Variants in ITFG1 observed in about 807,000 individuals in gnomAD.
ITFG1 encodes the protein integrin alpha FG-GAP repeat containing 1.
In ITFG1, 34 loss-of-function variants were observed where a neutral mutation model predicts 81.8. The observed-to-expected ratio is 0.42, with a 90% CI of 0.32 to 0.55. The LOEUF (loss-of-function observed/expected upper bound fraction) is 0.55, where lower values mean the gene tolerates loss of function less well. ITFG1 is among the 20% of genes least tolerant of loss of function. ITFG1 has a pLI of 0.17. For synonymous variants in ITFG1, 285 were observed against 270.6 expected, an observed-to-expected ratio of 1.05 and a Z score of -0.52; for missense variants, 672 against 755.4, an observed-to-expected ratio of 0.89 and a Z score of 1.29.
intron 2 of ITFG1, among the ~76,000 whole-genome samples, chr16:47,457,831 T>C (rs868842245): frequency 6.6e-6 from 1 of 152,230 alleles, no homozygotes; most frequent in East Asian, 1.9e-4. Context: ...ACTTCTCATA[T>C]ACACTCAACT....
intron 6 of ITFG1, among the ~76,000 whole-genome samples, chr16:47,382,231 A>T (rs1018975470): frequency 6.6e-6 from 1 of 152,206 alleles, no homozygotes; most frequent in Non-Finnish European, 1.5e-5. Flanking sequence ...AGATGATTGC[A>T]TTAGTTATAT....
At chr16:47,195,136 T>G (rs1172715227) in intron 14 of ITFG1, among the ~76,000 whole-genome samples, 1 of 152,206 alleles carries the variant, frequency 6.6e-6, no homozygotes, top group Non-Finnish European at 1.5e-5. Flanking sequence ...ATAAGTTTCT[T>G]TTTATTTTAT....
At chr16:47,334,249 G>C (rs925712217) in intron 8 of ITFG1, among the ~76,000 whole-genome samples, 1 of 152,032 alleles carries the variant, frequency 6.6e-6, no homozygotes, top group Non-Finnish European at 1.5e-5. Context: ...AGGAGTTCAA[G>C]ACAAGCCTGG....
intron 17 of ITFG1, chr16:47,157,679 T>C (rs965870600): frequency 6.6e-6 from 1 of 152,238 alleles, no homozygotes; most frequent in Non-Finnish European, 1.5e-5. Context: ...TTCATGTTAC[T>C]GTTTTTGATA....
At chr16:47,287,920 A>G (rs1161874950) in intron 10 of ITFG1, among the ~76,000 whole-genome samples, 2 of 152,184 alleles carry the variant, frequency 1.3e-5, no homozygotes, top group African/African-American at 4.8e-5. Flanking sequence ...AAATATCTCA[A>G]TTTACTCAAT....
chr16:47,307,023 G>A (rs1967173558), intron 10 of ITFG1, among the ~76,000 whole-genome samples: 1 of 136,304 alleles, frequency 7.3e-6, no homozygotes. Flanking sequence ...GAACCCGGGA[G>A]GCAGAGCTTG....
intron 14 of ITFG1, among the ~76,000 whole-genome samples, chr16:47,176,665 T>C (rs1161935973): frequency 1.3e-5 from 2 of 152,196 alleles, no homozygotes; most frequent in Non-Finnish European, 2.9e-5. Context: ...CAACTATAAG[T>C]GACAGCTATT....
chr16:47,390,775 C>T (rs921475186), intron 6 of ITFG1, among the ~76,000 whole-genome samples: 1 of 151,990 alleles, frequency 6.6e-6, no homozygotes, highest in Admixed American at 6.6e-5. Flanking sequence ...TGCTTATTAA[C>T]AGAAATATTT....
At chr16:47,260,178 C>A (rs898597701) in intron 11 of ITFG1, among the ~76,000 whole-genome samples, 1 of 151,932 alleles carries the variant, frequency 6.6e-6, no homozygotes, top group Non-Finnish European at 1.5e-5. Flanking sequence ...ACCTCATGAT[C>A]CGCCTGCCTC....
intron 10 of ITFG1, among the ~76,000 whole-genome samples, chr16:47,296,490 C>CAGTG (rs1325449438): frequency 1.3e-5 from 2 of 152,116 alleles, no homozygotes; most frequent in Admixed American, 6.5e-5. Flanking sequence ...GGCTGGAGTG[C>CAGTG]AGTGGCACAA....
chr16:47,402,977 A>G (rs1160087023), intron 6 of ITFG1, among the ~76,000 whole-genome samples: 2 of 152,236 alleles, frequency 1.3e-5, no homozygotes, highest in Non-Finnish European at 2.9e-5. Flanking sequence ...TATTATAATA[A>G]GAAAAATAAC....
chr16:47,406,193 G>A (rs565294627), intron 6 of ITFG1, among the ~76,000 whole-genome samples: 3 of 152,086 alleles, frequency 2.0e-5, no homozygotes, highest in Non-Finnish European at 2.9e-5. Flanking sequence ...ATTTAGAAGC[G>A]ATTTATATGA....
At chr16:47,442,045 CAGAG>C (rs1411340518) in intron 5 of ITFG1, among the ~76,000 whole-genome samples, 6 of 152,254 alleles carry the variant, frequency 3.9e-5, no homozygotes, top group South Asian at 4.2e-4. Flanking sequence ...AACAGACAAA[CAGAG>C]AGCCAAATCA....
rs1968465012 is a variant in ITFG1, at chr16:47,386,549, G to C, written c.656-10609C>G. Among the ~76,000 whole-genome samples the C allele has an allele frequency of 3.3e-5, 5 of 152,222 alleles. No individual in the cohort carries two copies. The South Asian group carries it at 1.0e-3, about 31-fold the overall frequency. On this transcript the variant is annotated intron_variant, in intron 6 of 17. Transcript: ENST00000320640. The stretch of plus-strand genomic sequence containing the variant: ...AATCCAGCCCCTACTCACAAAGGTG[G>C]AGGATCCATCTCTCGTGCAGCACAC...
At position 47,451,460 on chromosome 16, in the gene ITFG1, C is replaced by T. The variant is rs752772791; in HGVS notation, c.496G>A (p.Asp166Asn). The T allele has an allele frequency of 3.2e-6, 5 of 1,561,208 alleles. No homozygotes were observed. The highest frequency in any genetic ancestry group is 2.7e-5 in the African/African-American group (2 of 73,626). ...DEPLIMDFNG[D>N]LIPDIFGITN... is the part of the protein sequence containing the mutation. ...ATACCAAAAATATCAGGAATTAGAT[C>T]ACCATTGAAACTGAAAAAAAATTAA... is the stretch of plus-strand genomic sequence containing the variant. Residue 166 changes from aspartate (D) to asparagine (N), a missense_variant, in exon 5 of 18, where the codon GAT (aspartate) becomes AAT (asparagine). Around this residue, in one of 3 missense-constraint regions of ITFG1, gnomAD observed 560 missense variants for 625.7 expected, o/e 0.90. Transcript: ENST00000320640.
At position 47,155,592 on chromosome 16, in the gene ITFG1, T is replaced by C; in HGVS notation, c.*127A>G. ...TTCAAACCATATTTATTTGAATACT[T>C]TCCAATAATTACCATGGGATACATC... On this transcript the variant is annotated 3_prime_UTR_variant, in exon 18 of 18. Coordinates refer to ENST00000320640, the MANE Select transcript of ITFG1 (RefSeq NM_030790.5). 3.0e-6 allele frequency: 2 copies of C among 664,500 alleles called. No homozygotes were observed. Among genetic ancestry groups the C allele is most frequent in the African/African-American group, 1.8e-5 (1 of 54,234 alleles). 41.2% of individuals were successfully genotyped at this position (664,500 alleles called of 1,614,324 possible). A position where few individuals can be genotyped will look rare whatever the true frequency, so the allele number is the denominator to read the frequency against.
intron 8 of ITFG1, among the ~76,000 whole-genome samples, chr16:47,360,218 T>C (rs746659173): frequency 2.0e-5 from 3 of 152,212 alleles, no homozygotes; most frequent in Non-Finnish European, 4.4e-5. Flanking sequence ...TATCAAAGTA[T>C]TATAATGCAG....
At chr16:47,450,887 TTAGA>T (rs1490538118) in intron 5 of ITFG1, among the ~76,000 whole-genome samples, 1 of 152,180 alleles carries the variant, frequency 6.6e-6, no homozygotes, top group Non-Finnish European at 1.5e-5. Context: ...AATTGCATAC[TTAGA>T]TAGTAAGAGA....
chr16:47,184,036 A>T (rs550490514), intron 14 of ITFG1, among the ~76,000 whole-genome samples: 1 of 152,350 alleles, frequency 6.6e-6, no homozygotes, highest in South Asian at 2.1e-4. Flanking sequence ...AAAGGGTATC[A>T]GCAATGAAAG....
Sources: allele counts gnomAD v4.1 joint callset (sites outside exome capture counted in the v4.1 genomes callset), GRCh38; gene constraint gnomAD v4.1.1; regional missense constraint gnomAD v4.1.1; transcripts MANE v1.5; gene names NCBI Gene and HGNC (gene_info 2026-07-23, HGNC 2026-07-21).